Variants in INPP4A observed in about 807,000 individuals in gnomAD.
The protein encoded by INPP4A is inositol polyphosphate-4-phosphatase type I A.
Under a neutral mutation model 119.8 loss-of-function variants are expected in INPP4A, and 33 were observed. The observed-to-expected ratio is 0.28, with a 90% CI of 0.21 to 0.37. The LOEUF (loss-of-function observed/expected upper bound fraction) is 0.37. Among genes scored for constraint, INPP4A ranks in the 10% least tolerant of loss-of-function variants. INPP4A has a pLI of 1.00. For synonymous variants in INPP4A, 496 were observed against 500.7 expected (o/e 0.99, Z 0.12); for missense variants, 956 against 1,289.9 (o/e 0.74, Z 3.97).
chr2:98,477,914 C>T (rs1677590023), intron 1 of INPP4A, among the ~76,000 whole-genome samples: 1 of 152,180 alleles, frequency 6.6e-6, no homozygotes, highest in East Asian at 1.9e-4. Flanking sequence ...TCAGGAGGAC[C>T]ACCAGCAGCC....
intron 1 of INPP4A, among the ~76,000 whole-genome samples, chr2:98,494,599 G>A (rs373559735): frequency 3.9e-5 from 6 of 152,050 alleles, no homozygotes; most frequent in African/African-American, 1.4e-4. Context: ...AAAAGTGTAG[G>A]GAAAGTTCAA....
chr2:98,490,522 G>A (rs967218249), intron 1 of INPP4A, among the ~76,000 whole-genome samples: 2 of 152,124 alleles, frequency 1.3e-5, no homozygotes, highest in Non-Finnish European at 2.9e-5. Flanking sequence ...GGTTATATAT[G>A]GAGATGGAAC....
At chr2:98,584,738 G>C (rs1699763013) in intron 24 of INPP4A, among the ~76,000 whole-genome samples, 1 of 152,376 alleles carries the variant, frequency 6.6e-6, no homozygotes, top group South Asian at 2.1e-4. Flanking sequence ...GACACCATGA[G>C]ATTAGCCTAG....
In INPP4A at chr2:98,462,743, A is replaced by G. The variant is rs1426233789; in HGVS notation, c.-166+17658A>G. On this transcript the variant is annotated intron_variant, in intron 1 of 24. Transcript: ENST00000409851. ...GCTATGTTGCCTAGGCTGGTATTGA[A>G]CTCCTGGGCTCAAGCAATCCACCTG... Among the ~76,000 whole-genome samples, 6 of 151,384 alleles carry G rather than the reference A, an allele frequency of 4.0e-5. No homozygotes were observed. The East Asian group carries it at 1.2e-3, about 29-fold the overall frequency.
intron 1 of INPP4A, among the ~76,000 whole-genome samples, chr2:98,447,767 A>C (rs1194085636): frequency 1.3e-5 from 2 of 152,134 alleles, no homozygotes; most frequent in Non-Finnish European, 2.9e-5. Context: ...ATTTCCCAAA[A>C]AACAAGGATA....
rs371996851 is a variant in INPP4A at position 98,507,736 on chromosome 2, T to C, written c.-165-11228T>C. Among the ~76,000 whole-genome samples the C allele has an allele frequency of 5.3e-5, 8 of 152,202 alleles. No homozygotes were observed. The East Asian group carries it at 9.7e-4, about 18-fold the overall frequency. On this transcript the variant is annotated intron_variant, in intron 1 of 24. Coordinates refer to ENST00000409851, the MANE Select transcript of INPP4A (RefSeq NM_001134225.2). The stretch of plus-strand genomic sequence containing the variant: ...TTGCAGAGTGGGAGGATGATGGACA[T>C]GGGTAAGCAGAGGGGAAGGGCCACA...
intron 1 of INPP4A, among the ~76,000 whole-genome samples, chr2:98,473,936 T>C (rs368610921): frequency 1.3e-5 from 2 of 152,150 alleles, no homozygotes; most frequent in African/African-American, 2.4e-5. Context: ...CATTCAAAAA[T>C]TACAAAGTGA....
intron 17 of INPP4A, 80 bp from the exon 18 acceptor site, chr2:98,563,385 C>A: frequency 7.6e-7 from 1 of 1,324,054 alleles, no homozygotes; most frequent in South Asian, 1.3e-5. Flanking sequence ...TGGTTAGGGG[C>A]CAGGTGACTT....
Position 98,537,962 on chromosome 2 carries a change from T to C in INPP4A, c.567T>C (p.Thr189=). The C allele has an allele frequency of 6.2e-7, 1 of 1,606,540 alleles. No homozygotes were observed. The highest frequency in any genetic ancestry group is 8.5e-7 in the Non-Finnish European group (1 of 1,174,688). ...CCCCTGTGACCCGGTCTGTGGACACTGTCAATGGGAGGGTGAGTTACACCA... is the reference window on the plus strand; with the variant it reads ...CCCCTGTGACCCGGTCTGTGGACACCGTCAATGGGAGGGTGAGTTACACCA... ...QRPPVTRSVD[T]VNGRMVLPVD... Residue 189 remains threonine (T), a synonymous_variant, in exon 8 of 25, where the codon ACT becomes ACC. Coordinates refer to ENST00000409851, the MANE Select transcript of INPP4A (RefSeq NM_001134225.2).
intron 1 of INPP4A, among the ~76,000 whole-genome samples, chr2:98,484,384 A>T (rs2105101441): frequency 6.6e-6 from 1 of 152,072 alleles, no homozygotes; most frequent in East Asian, 1.9e-4. Flanking sequence ...TTTGTTTCCC[A>T]TGATCCTGCA....
At chr2:98,509,679 C>T (rs1254777266) in intron 1 of INPP4A, among the ~76,000 whole-genome samples, 3 of 152,210 alleles carry the variant, frequency 2.0e-5, no homozygotes, top group African/African-American at 7.2e-5. Context: ...CTGCTCCTGG[C>T]ACCTCCCAGA....
intron 10 of INPP4A, among the ~76,000 whole-genome samples, chr2:98,543,078 C>T (rs1475396883): frequency 6.6e-6 from 1 of 152,082 alleles, no homozygotes; most frequent in Non-Finnish European, 1.5e-5. Flanking sequence ...CACCACCACG[C>T]CCGGCTAATT....
chr2:98,450,011 C>T (rs902604911), intron 1 of INPP4A, among the ~76,000 whole-genome samples: 1 of 151,732 alleles, frequency 6.6e-6, no homozygotes, highest in Non-Finnish European at 1.5e-5. Flanking sequence ...GGCTGTTTTT[C>T]CTTATCTTAC....
chr2:98,542,202 G>A (rs56982913), intron 10 of INPP4A, among the ~76,000 whole-genome samples: 1,792 of 152,374 alleles, frequency 0.012, 27 homozygotes, highest in Middle Eastern at 0.044. Flanking sequence ...AACTAGCAGC[G>A]GCCTGGCAGA....
intron 1 of INPP4A, among the ~76,000 whole-genome samples, chr2:98,494,289 A>G (rs1681464989): frequency 6.6e-6 from 1 of 152,160 alleles, no homozygotes; most frequent in Non-Finnish European, 1.5e-5. Context: ...GCTAGCCCCT[A>G]CTCATAGGGC....
At chr2:98,535,357 T>G (rs1300459230) in intron 5 of INPP4A, among the ~76,000 whole-genome samples, 1 of 152,256 alleles carries the variant, frequency 6.6e-6, no homozygotes, top group African/African-American at 2.4e-5. Flanking sequence ...GTAGTAGGTT[T>G]ACATACACAT....
At chr2:98,587,187 A>G (rs1700042976) in intron 24 of INPP4A, among the ~76,000 whole-genome samples, 1 of 152,242 alleles carries the variant, frequency 6.6e-6, no homozygotes, top group Non-Finnish European at 1.5e-5. Flanking sequence ...CATGAGCTAC[A>G]TGAAACCATT....
chr2:98,540,119 A>G (rs1691138976), intron 10 of INPP4A, among the ~76,000 whole-genome samples: 1 of 152,084 alleles, frequency 6.6e-6, no homozygotes. Flanking sequence ...TTTAGTAGAT[A>G]TGGTGTTTCA....
intron 1 of INPP4A, among the ~76,000 whole-genome samples, chr2:98,453,630 T>C (rs905067879): frequency 2.6e-5 from 4 of 152,132 alleles, no homozygotes; most frequent in Non-Finnish European, 4.4e-5. Flanking sequence ...GACCTGTGAC[T>C]TTTGTCAGAA....
Sources: gnomAD v4.1 joint callset for allele counts (sites outside exome capture counted in the v4.1 genomes callset) on GRCh38, gnomAD v4.1.1 for gene constraint, MANE v1.5 for transcripts, NCBI Gene and HGNC (gene_info 2026-07-23, HGNC 2026-07-21) for gene names.